Variants in PCDHA7 observed in about 807,000 individuals in gnomAD.
PCDHA7 encodes the protein protocadherin alpha-7.
PCDHA7 carries 37 observed loss-of-function variants against 57.2 expected under a neutral mutation model. That is an observed-to-expected ratio of 0.65 (90% confidence interval 0.50 to 0.85). PCDHA7 has a LOEUF of 0.85. Ranked by LOEUF, PCDHA7 falls within the 40% of genes least tolerant of loss-of-function variation. The pLI is 0.00. For synonymous variants in PCDHA7, 553 were observed against 558.8 expected, an observed-to-expected ratio of 0.99 and a Z score of 0.15; for missense variants, 1,188 against 1,241.8, an observed-to-expected ratio of 0.96 and a Z score of 0.65.
rs2098419589 is a variant in PCDHA7 at position 141,011,142 on chromosome 5, C to A, written c.*1205C>A. 1 of 153,660 alleles carries A rather than the reference C, an allele frequency of 6.5e-6. No individual in the cohort carries two copies. The highest frequency in any genetic ancestry group is 2.1e-4 in the South Asian group (1 of 4,820). 9.5% of individuals were successfully genotyped at this position (153,660 alleles called of 1,614,324 possible). On this transcript the variant is annotated 3_prime_UTR_variant, in exon 4 of 4. Transcript: ENST00000525929. ...CAATTATGTGCACTTTGATACACAA[C>A]CTTCTCTAACCAACTATATATCAAG...
chr5:140,891,230 T>G (rs1192105465), intron 1 of PCDHA7, among the ~76,000 whole-genome samples: 1 of 152,232 alleles, frequency 6.6e-6, no homozygotes, highest in Non-Finnish European at 1.5e-5. Flanking sequence ...AATCATCCTG[T>G]TCTGGATTCA....
At position 140,883,732 on chromosome 5, in the gene PCDHA7, G is replaced by T. The variant is rs17844355; in HGVS notation, c.2355+46994G>T. The stretch of plus-strand genomic sequence containing the variant: ...AGGACGCGGACGCACAGGAGAACGC[G>T]CTGGTCTCCTACTCGCTGGTGGAGC... On this transcript the variant is annotated intron_variant, in intron 1 of 3. Transcript: ENST00000525929. The T allele has an allele frequency of 3.9e-4, 630 of 1,613,452 alleles. 2 individuals are homozygous for T. The East Asian group carries it at 0.013, about 33-fold the overall frequency.
chr5:140,937,911 C>CAA lies in PCDHA7; in HGVS notation c.2356-41023_2356-41022dup, dbSNP rs200797202. On this transcript the variant is annotated intron_variant, in intron 1 of 3. Transcript: ENST00000525929. Reference sequence around the variant, plus strand: ...TGGGCGACAGAGTGAGACTCCGTCTCAAAAAAAAAAAAAAAAGTTTAATTT... The same window carrying CAA: ...TGGGCGACAGAGTGAGACTCCGTCTCAAAAAAAAAAAAAAAAAAGTTTAATTT... Among the ~76,000 whole-genome samples, 8 of 117,946 alleles carry CAA rather than the reference C, an allele frequency of 6.8e-5. No individual in the cohort carries two copies. In the East Asian group the frequency reaches 1.1e-3, roughly 17 times the overall value. The allele number at this position is 117,946 out of a possible 152,430, so 77.4% of individuals were successfully genotyped here.
intron 1 of PCDHA7, chr5:140,850,153 T>A: frequency 1.3e-6 from 2 of 1,595,316 alleles, no homozygotes; most frequent in Non-Finnish European, 1.7e-6. Context: ...ACGCTGCAGG[T>A]GTTCGTGCTG....
At position 140,993,185 on chromosome 5, in the gene PCDHA7, G is replaced by A. The variant is rs1393686590; in HGVS notation, c.2503+10622G>A. Among the ~76,000 whole-genome samples, 5 of 152,162 alleles carry A rather than the reference G, an allele frequency of 3.3e-5. No homozygotes were observed. The South Asian group carries it at 8.3e-4, about 25-fold the overall frequency. The stretch of plus-strand genomic sequence containing the variant: ...TTGCCTTTGGGAAATTTCTTTAGAG[G>A]GAAACTCACTAAAGCTAATTTTTTT... On this transcript the variant is annotated intron_variant, in intron 3 of 3. Transcript: ENST00000525929.
At chr5:141,003,324 C>T (rs909788744) in intron 3 of PCDHA7, among the ~76,000 whole-genome samples, 4 of 152,132 alleles carry the variant, frequency 2.6e-5, no homozygotes, top group African/African-American at 9.7e-5. Flanking sequence ...TTCCAGAGGG[C>T]AGGGTTTTTT....
intron 1 of PCDHA7, chr5:140,849,896 CA>C: frequency 6.3e-7 from 1 of 1,598,590 alleles, no homozygotes; most frequent in Non-Finnish European, 8.6e-7. Context: ...TGAAGGAGAA[CA>C]ACCCGCCGGG....
At chr5:140,881,785 C>A (rs2058831561) in intron 1 of PCDHA7, among the ~76,000 whole-genome samples, 1 of 152,202 alleles carries the variant, frequency 6.6e-6, no homozygotes, top group South Asian at 2.1e-4. Context: ...AACTACCGAT[C>A]AATTGTCCCA....
chr5:140,848,437 A>G lies in PCDHA7; in HGVS notation c.2355+11699A>G. ...AGCAGAATGGGACTGACGAAATCAGATGATTTCTTCTAATTTGGAGGCAAT... is the reference window on the plus strand; with the variant it reads ...AGCAGAATGGGACTGACGAAATCAGGTGATTTCTTCTAATTTGGAGGCAAT... On this transcript the variant is annotated intron_variant, in intron 1 of 3. Transcript: ENST00000525929. 4 of 1,473,718 alleles carry G rather than the reference A, an allele frequency of 2.7e-6. 1 individual carries two copies. Among genetic ancestry groups the G allele is most frequent in the Admixed American group, 1.9e-5 (1 of 52,040 alleles). 91.3% of individuals were successfully genotyped at this position (1,473,718 alleles called of 1,614,324 possible). A position where few individuals can be genotyped will look rare whatever the true frequency, so the allele number is the denominator to read the frequency against.
chr5:140,872,791 G>A (rs549291235), intron 1 of PCDHA7, among the ~76,000 whole-genome samples: 1 of 152,194 alleles, frequency 6.6e-6, no homozygotes, highest in South Asian at 2.1e-4. Flanking sequence ...TATGCTAGTT[G>A]GCATTCTTCC....
At chr5:140,837,001 C>A in intron 1 of PCDHA7, 1 of 327,960 alleles carries the variant, frequency 3.0e-6, no homozygotes, top group Non-Finnish European at 5.5e-6. Flanking sequence ...CTAACTGGAG[C>A]AATGGATTCA....
rs189155751 is a variant in PCDHA7 at position 140,943,432 on chromosome 5, T to C, written c.2356-35517T>C. 2.8e-3 allele frequency among the ~76,000 whole-genome samples: 419 copies of C among 152,174 alleles called. 2 individuals carry two copies. The highest frequency in any genetic ancestry group is 0.014 in the Middle Eastern group (4 of 294). Reference sequence around the variant, plus strand: ...ACTAGAGGCAAGGGCTTTAATATGATATAAAGGATAGAATTGATAAGGCTA... The same window carrying C: ...ACTAGAGGCAAGGGCTTTAATATGACATAAAGGATAGAATTGATAAGGCTA... On this transcript the variant is annotated intron_variant, in intron 1 of 3. Coordinates refer to ENST00000525929, the MANE Select transcript of PCDHA7 (RefSeq NM_018910.3).
intron 3 of PCDHA7, among the ~76,000 whole-genome samples, chr5:140,986,633 C>T (rs566373023): frequency 5.9e-5 from 9 of 152,266 alleles, no homozygotes; most frequent in Admixed American, 3.3e-4. Context: ...GGCAACAGTA[C>T]ATTAGTTTTA....
At chr5:140,876,565 G>T (rs371696514) in intron 1 of PCDHA7, 1 of 1,614,182 alleles carries the variant, frequency 6.2e-7, no homozygotes, top group Non-Finnish European at 8.5e-7. Context: ...GGATGCTCAG[G>T]TGGGTACCGT....
In PCDHA7 at chr5:141,010,735, T is replaced by G. The variant is rs192374006; in HGVS notation, c.*798T>G. On this transcript the variant is annotated 3_prime_UTR_variant, in exon 4 of 4. Coordinates refer to ENST00000525929, the MANE Select transcript of PCDHA7 (RefSeq NM_018910.3). ...GTGCTCACTTTATTAAAAATTCTTT[T>G]GCACACAATGTTTATGAAAAGGCCA... The G allele has an allele frequency of 6.5e-6, 1 of 154,174 alleles. No individual in the cohort carries two copies. The highest frequency in any genetic ancestry group is 1.5e-5 in the Non-Finnish European group (1 of 68,224). 9.6% of individuals were successfully genotyped at this position (154,174 alleles called of 1,614,324 possible). A position where few individuals can be genotyped will look rare whatever the true frequency, so the allele number is the denominator to read the frequency against.
In PCDHA7 at chr5:140,846,520, G is replaced by A. The variant is rs1780530072; in HGVS notation, c.2355+9782G>A. Among the ~76,000 whole-genome samples, 3 of 147,948 alleles carry A rather than the reference G, an allele frequency of 2.0e-5. No homozygotes were observed. In the Admixed American group the frequency reaches 2.0e-4, roughly 10 times the overall value. ...CTCCCAAGTAGCTGGGATTACAGGT[G>A]CATGCCACCATGCCCTGCTAATTTT... On this transcript the variant is annotated intron_variant, in intron 1 of 3. Transcript: ENST00000525929.
chr5:140,859,706 C>T (rs1311210067), intron 1 of PCDHA7: 1 of 153,842 alleles, frequency 6.5e-6, no homozygotes, highest in Non-Finnish European at 1.4e-5. Context: ...AGTTTAGGAA[C>T]ACCAAAAAAA....
intron 1 of PCDHA7, chr5:140,843,459 T>C (rs2150360511): frequency 2.5e-6 from 4 of 1,596,020 alleles, no homozygotes; most frequent in Non-Finnish European, 3.4e-6. Context: ...CTGCTGGTGC[T>C]CACGCTGCTG....
intron 1 of PCDHA7, among the ~76,000 whole-genome samples, chr5:140,840,787 C>T (rs1335251358): frequency 6.6e-6 from 1 of 151,984 alleles, no homozygotes; most frequent in South Asian, 2.1e-4. Context: ...GAATTATATG[C>T]TCACCTCAGA....
Sources: gnomAD v4.1 joint callset for allele counts (sites outside exome capture counted in the v4.1 genomes callset) on GRCh38, gnomAD v4.1.1 for gene constraint, MANE v1.5 for transcripts, NCBI Gene and HGNC (gene_info 2026-07-23, HGNC 2026-07-21) for gene names.